The following TENM3 variants were observed in gnomAD, a reference collection of about 807,000 sequenced individuals.
The protein encoded by TENM3 is teneurin-3.
TENM3 carries 63 observed loss-of-function variants against 255.1 expected under a neutral mutation model. The ratio of observed to expected loss-of-function variants is 0.25; its 90% CI spans 0.20 to 0.30. TENM3 has a LOEUF of 0.30. TENM3 is among the 10% of genes least tolerant of loss of function. The pLI is 1.00. For missense variants in TENM3, 2,929 were observed against 3,461.1 expected, an observed-to-expected ratio of 0.85 and a Z score of 3.86; for synonymous variants, 1,306 against 1,322.3, an observed-to-expected ratio of 0.99 and a Z score of 0.27.
At chr4:181,835,298 AAC>A in the TENM3 span, among the ~76,000 whole-genome samples, 1 of 152,196 alleles carries the variant, frequency 6.6e-6, no homozygotes, top group Admixed American at 6.5e-5. Flanking sequence ...ACATTCACAA[AAC>A]ATTCATATAC....
chr4:181,950,013 A>T, the TENM3 span, among the ~76,000 whole-genome samples: 1 of 152,186 alleles, frequency 6.6e-6, no homozygotes, highest in Non-Finnish European at 1.5e-5. Flanking sequence ...AAGCCATCAC[A>T]TCGCCTGTGA....
chr4:182,418,372 G>A (rs984434192), intron 3 of TENM3, among the ~76,000 whole-genome samples: 13 of 152,186 alleles, frequency 8.5e-5, no homozygotes, highest in Admixed American at 2.6e-4. Context: ...CACGGAATTC[G>A]TAATGTCCTT....
At chr4:181,869,532 G>A in the TENM3 span, among the ~76,000 whole-genome samples, 1 of 151,978 alleles carries the variant, frequency 6.6e-6, no homozygotes, top group East Asian at 1.9e-4. Flanking sequence ...AAATGCTGAG[G>A]GGATGGATAC....
the TENM3 span, among the ~76,000 whole-genome samples, chr4:181,964,067 ATT>A: frequency 4.8e-4 from 67 of 138,916 alleles, no homozygotes; most frequent in Non-Finnish European, 7.2e-4. Context: ...TGACCTTCCG[ATT>A]TTTTTTTTTT....
chr4:182,790,666 A>AC (rs1195317588), intron 25 of TENM3, among the ~76,000 whole-genome samples: 1 of 152,024 alleles, frequency 6.6e-6, no homozygotes, highest in African/African-American at 2.4e-5. Context: ...AATGAACCAC[A>AC]CCTGTTAGAT....
chr4:182,238,988 A>C (rs1002586631), upstream of TENM3, among the ~76,000 whole-genome samples: 1 of 152,042 alleles, frequency 6.6e-6, no homozygotes, highest in African/African-American at 2.4e-5. Context: ...CTTTATATAA[A>C]AAATAAAATC....
At chr4:181,979,107 TATATATATATATA>T in the TENM3 span, among the ~76,000 whole-genome samples, 11 of 14,010 alleles carry the variant, frequency 7.9e-4, no homozygotes, top group African/African-American at 3.5e-3. Context: ...CATATATATA[TATATATATATATA>T]TATATATATA....
At chr4:181,892,132 T>C in the TENM3 span, among the ~76,000 whole-genome samples, 5 of 152,192 alleles carry the variant, frequency 3.3e-5, no homozygotes, top group East Asian at 9.6e-4. Context: ...AATTACATAG[T>C]TTGTGGGATT....
intron 26 of TENM3, among the ~76,000 whole-genome samples, chr4:182,794,838 TCC>T (rs1766376086): frequency 6.6e-6 from 1 of 152,108 alleles, no homozygotes; most frequent in Non-Finnish European, 1.5e-5. Flanking sequence ...CAACCTCTAC[TCC>T]AAGAATTCTG....
In TENM3 at chr4:182,161,588, A is replaced by AATATATATATACATATATATATATGT. The variant is rs1751190181; in HGVS notation, c.-76+16848_-76+16873dup. 4.1e-5 allele frequency among the ~76,000 whole-genome samples: 5 copies of AATATATATATACATATATATATATGT among 123,070 alleles called. 1 individual carries two copies. The allele number at this position is 123,070 out of a possible 152,430, so 80.7% of individuals were successfully genotyped here. On this transcript the variant is annotated intron_variant, in intron 1 of 2. Coordinates refer to the TENM3 transcript ENST00000512480. ...GGCAACAGAGTTGAGGCTCAGTCCA[A>AATATATATATACATATATATATATGT]ATATATATATACATATATATATATG...
chr4:181,831,951 AAT>A, the TENM3 span, among the ~76,000 whole-genome samples: 1 of 138,308 alleles, frequency 7.2e-6, no homozygotes. Flanking sequence ...TCTATACAGT[AAT>A]ATATATATAT....
At chr4:181,736,805 C>T in the TENM3 span, among the ~76,000 whole-genome samples, 2 of 152,012 alleles carry the variant, frequency 1.3e-5, no homozygotes, top group Admixed American at 6.6e-5. Flanking sequence ...ATACATAAAA[C>T]AGCCCCTGCC....
intron 1 of TENM3, among the ~76,000 whole-genome samples, chr4:182,301,606 A>G (rs1761861310): frequency 6.6e-6 from 1 of 152,228 alleles, no homozygotes; most frequent in South Asian, 2.1e-4. Flanking sequence ...TCCCACTCCT[A>G]GGTGCGTCAG....
the TENM3 span, among the ~76,000 whole-genome samples, chr4:181,867,213 G>T: frequency 1.6e-4 from 25 of 152,212 alleles, no homozygotes; most frequent in South Asian, 5.2e-3. Flanking sequence ...TTTCACCTCA[G>T]TTCCAATCCC....
intron 4 of TENM3, among the ~76,000 whole-genome samples, chr4:182,622,296 G>A (rs113808862): frequency 0.044 from 6,708 of 151,062 alleles, 210 homozygotes; most frequent in East Asian, 0.16. Flanking sequence ...GCAGTGAGCC[G>A]AGATCACACC....
chr4:181,941,343 T>C, the TENM3 span, among the ~76,000 whole-genome samples: 1 of 152,096 alleles, frequency 6.6e-6, no homozygotes, highest in Non-Finnish European at 1.5e-5. Context: ...TGGCTCTATT[T>C]CATCTATTAT....
At chr4:181,701,607 G>T in the TENM3 span, among the ~76,000 whole-genome samples, 1 of 152,016 alleles carries the variant, frequency 6.6e-6, no homozygotes, top group African/African-American at 2.4e-5. Flanking sequence ...AGGCCACTGC[G>T]AGATTGCCAT....
chr4:181,992,027 G>A, the TENM3 span, among the ~76,000 whole-genome samples: 18 of 152,190 alleles, frequency 1.2e-4, no homozygotes, highest in African/African-American at 4.3e-4. Context: ...CTCAAATGGA[G>A]ATCTGGCTTC....
At chr4:182,601,798 T>G (rs1747907100) in intron 4 of TENM3, among the ~76,000 whole-genome samples, 1 of 152,200 alleles carries the variant, frequency 6.6e-6, no homozygotes, top group Admixed American at 6.5e-5. Context: ...TCCCTGAAAC[T>G]TCCATCCTCT....
Sources: allele counts gnomAD v4.1 joint callset (sites outside exome capture counted in the v4.1 genomes callset), GRCh38; gene constraint gnomAD v4.1.1; transcripts MANE v1.5; gene names NCBI Gene and HGNC (gene_info 2026-07-23, HGNC 2026-07-21).